CUX1: variants seen among roughly 807,000 people sequenced by gnomAD.
CUX1 encodes the protein protein CASP.
CUX1 carries 31 observed loss-of-function variants against 158.8 expected under a neutral mutation model. That is an observed-to-expected ratio of 0.20 (90% CI 0.15 to 0.26). The LOEUF (loss-of-function observed/expected upper bound fraction) is 0.26. Among genes scored for constraint, CUX1 ranks in the 10% least tolerant of loss-of-function variants. The pLI is 1.00. For synonymous variants in CUX1, 879 were observed against 862.1 expected (o/e 1.02, Z -0.34); for missense variants, 1,589 against 2,014.6 (o/e 0.79, Z 4.04).
chr7:102,019,186 G>A (rs1221401395), intron 2 of CUX1, among the ~76,000 whole-genome samples: 5 of 148,090 alleles, frequency 3.4e-5, no homozygotes, highest in Non-Finnish European at 7.4e-5. Context: ...CCGCCCCCGC[G>A]CCCCCCTCCC....
At chr7:102,063,607 G>C (rs1825200889) in intron 3 of CUX1, among the ~76,000 whole-genome samples, 1 of 151,878 alleles carries the variant, frequency 6.6e-6, no homozygotes, top group South Asian at 2.1e-4. Context: ...TGGCCAGGCT[G>C]GTCTCGAACT....
At chr7:102,113,580 C>G (rs151096194) in intron 7 of CUX1, among the ~76,000 whole-genome samples, 3 of 152,244 alleles carry the variant, frequency 2.0e-5, no homozygotes, top group South Asian at 4.1e-4. Context: ...ATTTTAGAGA[C>G]ATGGTCTCTC....
chr7:101,980,834 C>T (rs1052085254), intron 2 of CUX1, among the ~76,000 whole-genome samples: 7 of 152,126 alleles, frequency 4.6e-5, no homozygotes, highest in Admixed American at 2.6e-4. Context: ...CCCCACACCC[C>T]GTGGGACTTT....
At chr7:102,061,059 G>A (rs1359261405) in intron 3 of CUX1, among the ~76,000 whole-genome samples, 1 of 150,720 alleles carries the variant, frequency 6.6e-6, no homozygotes, top group East Asian at 2.0e-4. Context: ...CCAGTAGCTG[G>A]GATTACAGGT....
chr7:102,007,752 T>C (rs569901904), intron 2 of CUX1, among the ~76,000 whole-genome samples: 1 of 151,338 alleles, frequency 6.6e-6, no homozygotes, highest in Non-Finnish European at 1.5e-5. Context: ...TGTTTTGTTT[T>C]GTTTTTTTTG....
chr7:102,261,936 A>G (rs1790429673), downstream of CUX1, among the ~76,000 whole-genome samples: 1 of 152,130 alleles, frequency 6.6e-6, no homozygotes, highest in African/African-American at 2.4e-5. Flanking sequence ...TGGGACACAT[A>G]GCAAGACCCC....
At chr7:102,166,435 C>T (rs1371582375) in intron 9 of CUX1, among the ~76,000 whole-genome samples, 1 of 152,146 alleles carries the variant, frequency 6.6e-6, no homozygotes, top group Admixed American at 6.5e-5. Flanking sequence ...GACGGGAGTC[C>T]GGCGGTGACC....
rs1795397944 is a variant in CUX1, at chr7:102,201,222, G to C, written c.2063-138G>C. On this transcript the variant is annotated intron_variant, in intron 17 of 23. Transcript: ENST00000292535. This position sits in a 1 kb window ranked among gnomAD's most constrained non-coding sequence, Gnocchi z 5.0. ...AAGATGCCTGAATGTTTCACTGACA[G>C]GGGCCATGCTGGGGAAATACACAGT... 1 of 1,285,192 alleles carries C rather than the reference G, an allele frequency of 7.8e-7. No homozygotes were observed. The highest frequency in any genetic ancestry group is 1.1e-6 in the Non-Finnish European group (1 of 933,884). The allele number at this position is 1,285,192 out of a possible 1,614,324, so 79.6% of individuals were successfully genotyped here. A position where few individuals can be genotyped will look rare whatever the true frequency, so the allele number is the denominator to read the frequency against.
intron 8 of CUX1, among the ~76,000 whole-genome samples, chr7:102,140,271 G>C (rs1410221826): frequency 1.3e-5 from 2 of 152,012 alleles, no homozygotes; most frequent in East Asian, 2.0e-4. Context: ...TTTGGAGACA[G>C]AGTCTTGCTC....
chr7:102,155,701 G>A (rs1554505057), intron 8 of CUX1, among the ~76,000 whole-genome samples: 1 of 152,148 alleles, frequency 6.6e-6, no homozygotes, highest in Non-Finnish European at 1.5e-5. Flanking sequence ...ATCCTTTTCT[G>A]ATATGTTTTA....
At chr7:101,978,402 C>G (rs1332499988) in intron 2 of CUX1, among the ~76,000 whole-genome samples, 1 of 152,214 alleles carries the variant, frequency 6.6e-6, no homozygotes, top group Non-Finnish European at 1.5e-5. Flanking sequence ...CTCCTCTCCC[C>G]CGACATGCCT....
Position 102,254,741 on chromosome 7 carries a change from G to A in CUX1, c.*5699G>A, listed in dbSNP as rs1789703061. The A allele has an allele frequency of 1.0e-6, 1 of 985,518 alleles. No individual in the cohort carries two copies. The highest frequency in any genetic ancestry group is 4.7e-5 in the South Asian group (1 of 21,286). The allele number at this position is 985,518 out of a possible 1,614,324, so 61.0% of individuals were successfully genotyped here. A position where few individuals can be genotyped will look rare whatever the true frequency, so the allele number is the denominator to read the frequency against. On this transcript the variant is annotated 3_prime_UTR_variant, in exon 24 of 24. Transcript: ENST00000292535. ...CTTTGTGACCACAAGGGCAGGGCTT[G>A]TGCCCTGAGTGGCGAGGTGGTGACC...
chr7:102,259,455 G>A (rs1790211980), downstream of CUX1, among the ~76,000 whole-genome samples: 1 of 152,184 alleles, frequency 6.6e-6, no homozygotes, highest in African/African-American at 2.4e-5. Context: ...AGGCATGGTG[G>A]CGGGTGCCTG....
At chr7:101,950,438 T>TTTAGCAGGCTGGTGCGGTGGCTCA in intron 2 of CUX1, among the ~76,000 whole-genome samples, 1 of 152,128 alleles carries the variant, frequency 6.6e-6, no homozygotes, top group East Asian at 1.9e-4. Context: ...TGTAGTAAAA[T>TTTAGCAGGCTGGTGCGGTGGCTCA]ACACATAACA....
rs1342691235 is a variant in CUX1 at position 102,253,794 on chromosome 7, C to T, written c.*4752C>T. The T allele has an allele frequency of 2.5e-5, 25 of 985,408 alleles. No homozygotes were observed. Among genetic ancestry groups the T allele is most frequent in the African/African-American group, 1.0e-4 (6 of 57,238 alleles). 61.0% of individuals were successfully genotyped at this position (985,408 alleles called of 1,614,324 possible). A position where few individuals can be genotyped will look rare whatever the true frequency, so the allele number is the denominator to read the frequency against. ...CTGTACAGGGCGAGATGTAGCAACA[C>T]GGGGCATGAGCGGTGGGCGTGCTGG... On this transcript the variant is annotated 3_prime_UTR_variant, in exon 24 of 24. Transcript: ENST00000292535.
At chr7:101,862,452 G>A (rs11773426) in intron 1 of CUX1, among the ~76,000 whole-genome samples, 15,856 of 152,106 alleles carry the variant, frequency 0.1, 1,007 homozygotes, top group Middle Eastern at 0.28. Flanking sequence ...TCCAGCCTGC[G>A]GTTGTCCTTC....
At chr7:101,847,828 G>A (rs1476351966) in intron 1 of CUX1, among the ~76,000 whole-genome samples, 4 of 151,854 alleles carry the variant, frequency 2.6e-5, no homozygotes, top group African/African-American at 9.7e-5. Context: ...AGCACTTTGG[G>A]AGGCCAAGGC....
chr7:102,080,215 T>C (rs1225372785), intron 4 of CUX1, among the ~76,000 whole-genome samples: 1 of 152,186 alleles, frequency 6.6e-6, no homozygotes, highest in Non-Finnish European at 1.5e-5. Flanking sequence ...TGGATGTGAC[T>C]TGGGGACTCC....
chr7:102,097,554 T>A, intron 5 of CUX1, 53 bp downstream of exon 5: 2 of 1,527,630 alleles, frequency 1.3e-6, no homozygotes, highest in Non-Finnish European at 1.8e-6. Context: ...TTTTCTCTTC[T>A]TTTTATTTTA....
Sources: allele counts gnomAD v4.1 joint callset (sites outside exome capture counted in the v4.1 genomes callset), GRCh38; gene constraint gnomAD v4.1.1; non-coding constraint Gnocchi (gnomAD v3.1); transcripts MANE v1.5; gene names NCBI Gene and HGNC (gene_info 2026-07-23, HGNC 2026-07-21).